Variants in KCNN2 observed in about 807,000 individuals in gnomAD.
KCNN2 encodes potassium calcium-activated channel subfamily N member 2.
In KCNN2, 24 loss-of-function variants were observed where a neutral mutation model predicts 55.5. The ratio of observed to expected loss-of-function variants is 0.43; its 90% confidence interval spans 0.31 to 0.61. The LOEUF is 0.61. Among genes scored for constraint, KCNN2 ranks in the 20% least tolerant of loss-of-function variants. The probability of loss-of-function intolerance (pLI) is 0.08; values close to 1 mark genes in which losing one functional copy is unlikely to be tolerated. For synonymous variants in KCNN2, 431 were observed against 336.1 expected (o/e 1.28, Z -3.09); for missense variants, 754 against 853.6 (o/e 0.88, Z 1.45).
At chr5:114,445,058 G>A (rs1353959136) in intron 3 of KCNN2, among the ~76,000 whole-genome samples, 1 of 152,106 alleles carries the variant, frequency 6.6e-6, no homozygotes, top group African/African-American at 2.4e-5. Flanking sequence ...GAATACAGTA[G>A]TAACATAACA....
chr5:114,245,920 C>T (rs531207477), intron 2 of KCNN2, among the ~76,000 whole-genome samples: 84 of 152,296 alleles, frequency 5.5e-4, no homozygotes, highest in South Asian at 1.9e-3. Flanking sequence ...AGCATATCTA[C>T]TAAAACTCAC....
chr5:114,254,921 C>G (rs1044366230), intron 2 of KCNN2, among the ~76,000 whole-genome samples: 1 of 150,528 alleles, frequency 6.6e-6, no homozygotes, highest in African/African-American at 2.4e-5. Flanking sequence ...TTGTATTTAC[C>G]AAAAAAACAA....
At chr5:114,106,071 A>G (rs139814944) in intron 1 of KCNN2, among the ~76,000 whole-genome samples, 11 of 152,094 alleles carry the variant, frequency 7.2e-5, no homozygotes, top group Admixed American at 2.6e-4. Context: ...CATTTTACTA[A>G]TGAAAAATTT....
chr5:114,278,933 A>T lies in KCNN2; in HGVS notation c.-185+57368A>T, dbSNP rs373759384. ...AGGTAACTCAGTTGGAAATGCAGAA[A>T]TCACCGATCTTCTGCATCAATCTCC... is the stretch of plus-strand genomic sequence containing the variant. On this transcript the variant is annotated intron_variant, in intron 2 of 10. Coordinates refer to the KCNN2 transcript ENST00000512097. 1.7e-4 allele frequency among the ~76,000 whole-genome samples: 26 copies of T among 152,268 alleles called. No individual in the cohort carries two copies. The South Asian group carries it at 3.9e-3, about 23-fold the overall frequency.
At chr5:114,124,779 A>T (rs1751897583) in intron 1 of KCNN2, among the ~76,000 whole-genome samples, 3 of 152,154 alleles carry the variant, frequency 2.0e-5, no homozygotes, top group Admixed American at 1.3e-4. Context: ...AAATTGCTTC[A>T]GCTCAATGTA....
Position 114,158,314 on chromosome 5 carries a change from G to A in KCNN2, c.-270-63166G>A, listed in dbSNP as rs374957273. ...GTTTGTCAAAGATCAGATAGTTGTA[G>A]TTATGCGGCATTATTTCTGAGGGCT... On this transcript the variant is annotated intron_variant, in intron 1 of 10. Transcript: ENST00000512097. 3.1e-4 allele frequency among the ~76,000 whole-genome samples: 47 copies of A among 152,270 alleles called. No individual in the cohort carries two copies. The South Asian group carries it at 8.5e-3, about 28-fold the overall frequency.
At chr5:114,356,442 A>G (rs974750648) in intron 2 of KCNN2, among the ~76,000 whole-genome samples, 1 of 152,194 alleles carries the variant, frequency 6.6e-6, no homozygotes, top group African/African-American at 2.4e-5. Flanking sequence ...AAGACTTAGC[A>G]TACACAATGA....
intron 1 of KCNN2, among the ~76,000 whole-genome samples, chr5:114,177,533 G>A (rs931830754): frequency 2.6e-5 from 4 of 151,618 alleles, no homozygotes; most frequent in African/African-American, 9.7e-5. Context: ...AGCCTTGGGG[G>A]ACTTGTGAAA....
intron 4 of KCNN2, among the ~76,000 whole-genome samples, chr5:114,469,275 TTTTCTCTC>T (rs1761602418): frequency 6.6e-6 from 1 of 152,136 alleles, no homozygotes; most frequent in Admixed American, 6.6e-5. Context: ...ACTTATCCCT[TTTTCTCTC>T]TTTCACCATC....
At chr5:114,489,787 G>GC (rs1747759749) in intron 6 of KCNN2, among the ~76,000 whole-genome samples, 1 of 152,134 alleles carries the variant, frequency 6.6e-6, no homozygotes, top group African/African-American at 2.4e-5. Flanking sequence ...GGCTTCCATT[G>GC]CCCACTGTGC....
chr5:114,153,039 T>A (rs1354954936), intron 1 of KCNN2, among the ~76,000 whole-genome samples: 1 of 151,970 alleles, frequency 6.6e-6, no homozygotes, highest in Non-Finnish European at 1.5e-5. Context: ...CGAGATAAGA[T>A]TTGGGGAGTG....
At chr5:114,495,865 A>G (rs754070003) in intron 7 of KCNN2, 30 bp from the exon 8 acceptor site, 3 of 1,600,300 alleles carry the variant, frequency 1.9e-6, no homozygotes, top group African/African-American at 2.7e-5. Flanking sequence ...GGCAAGTATA[A>G]TTAACCTTCT....
intron 2 of KCNN2, among the ~76,000 whole-genome samples, chr5:114,257,629 T>G (rs1170738695): frequency 1.3e-5 from 2 of 152,158 alleles, no homozygotes; most frequent in Non-Finnish European, 2.9e-5. Context: ...TGGGATTGAC[T>G]TCTTGATTTG....
At chr5:114,331,804 T>C (rs1261004055) in intron 2 of KCNN2, among the ~76,000 whole-genome samples, 1 of 152,188 alleles carries the variant, frequency 6.6e-6, no homozygotes, top group East Asian at 1.9e-4. Flanking sequence ...CTTTTTTTTC[T>C]TCAAATGCAA....
Position 114,379,752 on chromosome 5 carries a change from T to TTATATATTTATAGAATATATTATATAACA in KCNN2, c.1218+15784_1218+15812dup, listed in dbSNP as rs1442874829. 5.3e-3 allele frequency among the ~76,000 whole-genome samples: 660 copies of TTATATATTTATAGAATATATTATATAACA among 124,384 alleles called. 7 individuals are homozygous for TTATATATTTATAGAATATATTATATAACA. The highest frequency in any genetic ancestry group is 6.6e-3 in the Non-Finnish European group (425 of 64,318). 81.6% of individuals were successfully genotyped at this position (124,384 alleles called of 152,430 possible). ...TTTATAGAATATATTATATAACATATTATATATTTATAGAATATATTATAT... is the reference window on the plus strand; with the variant it reads ...TTTATAGAATATATTATATAACATATTATATATTTATAGAATATATTATATAACATATATATTTATAGAATATATTATAT... On this transcript the variant is annotated intron_variant, in intron 2 of 7. Coordinates refer to ENST00000673685, the MANE Select transcript of KCNN2 (RefSeq NM_021614.4).
intron 1 of KCNN2, among the ~76,000 whole-genome samples, chr5:114,144,559 A>G (rs1226832573): frequency 1.3e-5 from 2 of 152,094 alleles, no homozygotes; most frequent in African/African-American, 4.8e-5. Flanking sequence ...CCCAAGGCCT[A>G]TGTAAGGCTA....
intron 4 of KCNN2, among the ~76,000 whole-genome samples, chr5:114,468,311 G>A (rs1157207853): frequency 2.0e-5 from 3 of 152,044 alleles, no homozygotes; most frequent in African/African-American, 7.2e-5. Context: ...TTTTATGAAA[G>A]AATAATTATT....
intron 2 of KCNN2, among the ~76,000 whole-genome samples, chr5:114,367,113 T>C (rs977238744): frequency 3.9e-5 from 6 of 152,170 alleles, no homozygotes; most frequent in African/African-American, 1.4e-4. Context: ...AGCAGATCCG[T>C]GTGACCTTTT....
At chr5:114,146,990 AGTGACAAGCACTATATAAGCT>A (rs1752411694) in intron 1 of KCNN2, among the ~76,000 whole-genome samples, 3 of 152,330 alleles carry the variant, frequency 2.0e-5, no homozygotes, top group African/African-American at 7.2e-5. Flanking sequence ...CTATTGCCTT[AGTGACAAGCACTATATAAGCT>A]GAGTCAGAGA....
Sources: gnomAD v4.1 joint callset for allele counts (sites outside exome capture counted in the v4.1 genomes callset) on GRCh38, gnomAD v4.1.1 for gene constraint, MANE v1.5 for transcripts, NCBI Gene and HGNC (gene_info 2026-07-23, HGNC 2026-07-21) for gene names.